Variants in ACBD6 observed in about 807,000 individuals in gnomAD.
The protein encoded by ACBD6 is acyl-CoA-binding domain-containing protein 6.
ACBD6 carries 28 observed loss-of-function variants against 37.2 expected under a neutral mutation model. The observed-to-expected ratio is 0.75, with a 90% CI of 0.56 to 1.03. ACBD6 has a LOEUF of 1.03. Ranked by LOEUF, ACBD6 falls within the 50% of genes least tolerant of loss-of-function variation. ACBD6 has a pLI of 0.00. For synonymous variants in ACBD6, 113 were observed against 126.8 expected (o/e 0.89, Z 0.73); for missense variants, 340 against 337.4 (o/e 1.01, Z -0.06).
intron 3 of ACBD6, among the ~76,000 whole-genome samples, chr1:180,449,574 GTTT>G (rs970758714): frequency 1.3e-5 from 2 of 151,716 alleles, no homozygotes; most frequent in African/African-American, 4.8e-5. Flanking sequence ...CACCCGGCTA[GTTT>G]TTGTATTTTC....
intron 13 of ACBD6, chr1:180,272,149 G>A (rs753240945): frequency 2.2e-4 from 160 of 726,588 alleles, no homozygotes; most frequent in Non-Finnish European, 3.1e-4. Context: ...TTGCAGTGAA[G>A]GGTGGGGGAA....
intron 4 of ACBD6, among the ~76,000 whole-genome samples, chr1:180,415,418 C>CA (rs796582810): frequency 0.041 from 5,729 of 138,170 alleles, 263 homozygotes; most frequent in African/African-American, 0.1. Flanking sequence ...CAAACACACG[C>CA]AAAAAAAAAA....
chr1:180,394,124 T>G (rs1350014504), intron 6 of ACBD6, among the ~76,000 whole-genome samples: 1 of 152,200 alleles, frequency 6.6e-6, no homozygotes, highest in Non-Finnish European at 1.5e-5. Context: ...CAGGGTCTTA[T>G]GCTCTGTCAC....
At chr1:180,414,491 A>T (rs1209271854) in intron 4 of ACBD6, among the ~76,000 whole-genome samples, 3 of 152,250 alleles carry the variant, frequency 2.0e-5, no homozygotes, top group African/African-American at 7.2e-5. Context: ...CTTAAAAGAC[A>T]CTACTTTAGC....
At chr1:180,466,763 G>T (rs1010625372) in intron 3 of ACBD6, among the ~76,000 whole-genome samples, 5 of 151,832 alleles carry the variant, frequency 3.3e-5, no homozygotes, top group Admixed American at 1.3e-4. Context: ...GCATGGTTTT[G>T]TTTTTTTCTT....
intron 7 of ACBD6, among the ~76,000 whole-genome samples, chr1:180,310,131 A>T (rs1650531105): frequency 6.6e-6 from 1 of 151,958 alleles, no homozygotes; most frequent in African/African-American, 2.4e-5. Flanking sequence ...GCTTTGGGAG[A>T]CTGATGTGGG....
intron 6 of ACBD6, among the ~76,000 whole-genome samples, chr1:180,363,501 G>A (rs1330950250): frequency 5.9e-5 from 9 of 152,112 alleles, no homozygotes; most frequent in African/African-American, 1.7e-4. Context: ...TTTGTTTTAC[G>A]AAATGTTAAA....
At chr1:180,489,110 A>G (rs1651389527) in intron 3 of ACBD6, among the ~76,000 whole-genome samples, 1 of 152,072 alleles carries the variant, frequency 6.6e-6, no homozygotes, top group South Asian at 2.1e-4. Flanking sequence ...AGGGTGCAGT[A>G]AGCTGAGATT....
intron 3 of ACBD6, among the ~76,000 whole-genome samples, chr1:180,475,489 C>T (rs562366161): frequency 3.9e-5 from 6 of 152,132 alleles, no homozygotes; most frequent in South Asian, 2.1e-4. Context: ...TGGGCTCAAG[C>T]GATCCTCCCA....
Position 180,435,031 on chromosome 1 carries a change from T to C in ACBD6, c.385-4769A>G. 4.2e-6 allele frequency: 4 copies of C among 959,026 alleles called. No homozygotes were observed. In the South Asian group the frequency reaches 5.1e-5, roughly 12 times the overall value. The allele number at this position is 959,026 out of a possible 1,614,324, so 59.4% of individuals were successfully genotyped here. ...GAGAAATGGAACACCGACAATACAC[T>C]AGGCACCGAGATTACCGTGGAAGGT... On this transcript the variant is annotated intron_variant, in intron 3 of 7. Coordinates refer to ENST00000367595, the MANE Select transcript of ACBD6 (RefSeq NM_032360.4).
At chr1:180,420,521 G>A (rs1571487084) in intron 4 of ACBD6, among the ~76,000 whole-genome samples, 1 of 152,116 alleles carries the variant, frequency 6.6e-6, no homozygotes, top group Non-Finnish European at 1.5e-5. Context: ...ATAACCCCCC[G>A]ATCTAGAGGG....
intron 3 of ACBD6, among the ~76,000 whole-genome samples, chr1:180,463,672 AC>A (rs1296256815): frequency 1.3e-5 from 2 of 152,190 alleles, no homozygotes; most frequent in Non-Finnish European, 2.9e-5. Context: ...TTTCAAAAAA[AC>A]TGAAAAGGAG....
intron 6 of ACBD6, among the ~76,000 whole-genome samples, chr1:180,383,359 C>T (rs1353224007): frequency 6.6e-6 from 1 of 152,010 alleles, no homozygotes; most frequent in African/African-American, 2.4e-5. Flanking sequence ...ACAAAATCAA[C>T]ATATAAAAAA....
intron 6 of ACBD6, among the ~76,000 whole-genome samples, chr1:180,379,390 C>G (rs2101925414): frequency 6.6e-6 from 1 of 152,176 alleles, no homozygotes; most frequent in Middle Eastern, 3.4e-3. Flanking sequence ...AATTCTCCAG[C>G]AACATATCCC....
intron 3 of ACBD6, among the ~76,000 whole-genome samples, chr1:180,474,485 C>T (rs1650706381): frequency 6.6e-6 from 1 of 152,004 alleles, no homozygotes; most frequent in South Asian, 2.1e-4. Flanking sequence ...TGTGTAATGT[C>T]ATGTGGAGAA....
At chr1:180,320,079 A>T (rs780060736) in intron 6 of ACBD6, among the ~76,000 whole-genome samples, 1 of 152,188 alleles carries the variant, frequency 6.6e-6, no homozygotes, top group Non-Finnish European at 1.5e-5. Context: ...AGAAACCTCC[A>T]AACGGTTCTC....
intron 6 of ACBD6, among the ~76,000 whole-genome samples, chr1:180,388,207 A>C (rs902091106): frequency 6.6e-6 from 1 of 151,182 alleles, no homozygotes; most frequent in Non-Finnish European, 1.5e-5. Context: ...AAGAAAACCC[A>C]GAGAAATCAC....
At chr1:180,393,220 G>A (rs1654139659) in intron 6 of ACBD6, among the ~76,000 whole-genome samples, 1 of 152,102 alleles carries the variant, frequency 6.6e-6, no homozygotes, top group Non-Finnish European at 1.5e-5. Context: ...AATACTGTCA[G>A]ATAACAAATG....
chr1:180,405,661 G>A (rs1571465491), intron 5 of ACBD6, among the ~76,000 whole-genome samples: 1 of 152,130 alleles, frequency 6.6e-6, no homozygotes, highest in Non-Finnish European at 1.5e-5. Flanking sequence ...CAATAAGCAT[G>A]TATTTAGTGT....
Sources: gnomAD v4.1 joint callset for allele counts (sites outside exome capture counted in the v4.1 genomes callset) on GRCh38, gnomAD v4.1.1 for gene constraint, MANE v1.5 for transcripts, NCBI Gene and HGNC (gene_info 2026-07-23, HGNC 2026-07-21) for gene names.